Variants in TBC1D4 observed in about 807,000 individuals in gnomAD.
TBC1D4 encodes TBC (Tre-2, BUB2, CDC16) domain-containing protein.
In TBC1D4, 121 loss-of-function variants were observed where a neutral mutation model predicts 142.5. The observed-to-expected ratio is 0.85, with a 90% CI of 0.73 to 0.99. The LOEUF is 0.99. Ranked by LOEUF, TBC1D4 falls within the 50% of genes least tolerant of loss-of-function variation. The pLI, the probability that TBC1D4 is intolerant of heterozygous loss-of-function variation, is 0.00. For missense variants in TBC1D4, 1,475 were observed against 1,606.6 expected, an observed-to-expected ratio of 0.92 and a Z score of 1.40; for synonymous variants, 630 against 628.2, an observed-to-expected ratio of 1.00 and a Z score of -0.04.
chr13:75,416,335 A>G (rs1481365840), intron 1 of TBC1D4, among the ~76,000 whole-genome samples: 1 of 152,236 alleles, frequency 6.6e-6, no homozygotes, highest in Non-Finnish European at 1.5e-5. Context: ...TCCTTAAAAA[A>G]GTAATCTCCG....
At chr13:75,437,632 A>G (rs909794018) in intron 1 of TBC1D4, among the ~76,000 whole-genome samples, 1 of 151,614 alleles carries the variant, frequency 6.6e-6, no homozygotes, top group Admixed American at 6.6e-5. Flanking sequence ...AGCTATTTCC[A>G]GCTCCTCTAC....
At chr13:75,289,665 G>A (rs1875069598) in intron 19 of TBC1D4, among the ~76,000 whole-genome samples, 1 of 152,114 alleles carries the variant, frequency 6.6e-6, no homozygotes, top group Non-Finnish European at 1.5e-5. Context: ...AGCCTCTTAA[G>A]AGTCATTTAC....
chr13:75,470,661 G>C (rs1437655469), intron 1 of TBC1D4, among the ~76,000 whole-genome samples: 1 of 152,132 alleles, frequency 6.6e-6, no homozygotes, highest in East Asian at 1.9e-4. Flanking sequence ...AATTTTGGTA[G>C]ATCAAGCAAA....
At chr13:75,434,951 T>C (rs1333497477) in intron 1 of TBC1D4, among the ~76,000 whole-genome samples, 1 of 149,606 alleles carries the variant, frequency 6.7e-6, no homozygotes, top group African/African-American at 2.5e-5. Context: ...CATTCGAGAT[T>C]GGCCTGGCCA....
intron 1 of TBC1D4, among the ~76,000 whole-genome samples, chr13:75,396,192 CG>C (rs1481509673): frequency 6.6e-6 from 1 of 152,134 alleles, no homozygotes. Flanking sequence ...AAAAATCAGT[CG>C]GCCTCCCAGA....
chr13:75,480,761 G>A (rs1566521942), intron 1 of TBC1D4, among the ~76,000 whole-genome samples: 1 of 152,324 alleles, frequency 6.6e-6, no homozygotes, highest in East Asian at 1.9e-4. Flanking sequence ...AGGTGCTGCT[G>A]CGAAGATGAC....
At position 75,421,720 on chromosome 13, in the gene TBC1D4, A is replaced by AT. The variant is rs1302229804; in HGVS notation, c.499-59114dup. The stretch of plus-strand genomic sequence containing the variant: ...TAAGAAAATAATTTTTGGATTACAA[A>AT]TGTACCTCATTTCCTTTAATATTAA... On this transcript the variant is annotated intron_variant, in intron 1 of 20. Coordinates refer to ENST00000377636, the MANE Select transcript of TBC1D4 (RefSeq NM_014832.5). 2.0e-5 allele frequency among the ~76,000 whole-genome samples: 3 copies of AT among 152,334 alleles called. No individual in the cohort carries two copies. In the East Asian group the frequency reaches 5.8e-4, roughly 29 times the overall value.
At chr13:75,427,014 A>C (rs1055911788) in intron 1 of TBC1D4, among the ~76,000 whole-genome samples, 1 of 152,064 alleles carries the variant, frequency 6.6e-6, no homozygotes, top group African/African-American at 2.4e-5. Context: ...GTGCCATCAT[A>C]CTCCAGCCTG....
At chr13:75,345,735 TACA>T (rs1881099033) in intron 5 of TBC1D4, among the ~76,000 whole-genome samples, 1 of 125,128 alleles carries the variant, frequency 8.0e-6, no homozygotes, top group Non-Finnish European at 1.7e-5. Flanking sequence ...TCTAAGAAAA[TACA>T]AAAAAAAAAA....
In TBC1D4 at chr13:75,286,952, G is replaced by C. The variant is rs1294517733; in HGVS notation, c.3737C>G (p.Ser1246Cys). 1 of 1,613,932 alleles carries C rather than the reference G, an allele frequency of 6.2e-7. No homozygotes were observed. ...TTCTTGTTCCAGGGTCCGGATTAAA[G>C]ACTTCATTTTGGTCTCTCTCGTCAA... ...NLLTRETKMK[S>C]LIRTLEQEKM... Residue 1246 changes from serine to cysteine, a missense_variant, in exon 21 of 21, where the codon TCT becomes TGT. By Grantham distance (112) the Ser-to-Cys change is moderately radical (BLOSUM62 -1). Transcript: ENST00000377636.
intron 9 of TBC1D4, among the ~76,000 whole-genome samples, chr13:75,327,222 C>T (rs191254856): frequency 6.6e-6 from 1 of 152,164 alleles, no homozygotes; most frequent in East Asian, 1.9e-4. Flanking sequence ...GTCCCCACTT[C>T]CATCAACAGA....
At chr13:75,412,155 AT>A (rs1266508949) in intron 1 of TBC1D4, among the ~76,000 whole-genome samples, 2 of 152,196 alleles carry the variant, frequency 1.3e-5, no homozygotes, top group Non-Finnish European at 2.9e-5. Flanking sequence ...TACCCTCCCA[AT>A]TCACCCTAAT....
chr13:75,464,714 T>C (rs1229463619), intron 1 of TBC1D4, among the ~76,000 whole-genome samples: 2 of 152,194 alleles, frequency 1.3e-5, no homozygotes, highest in Non-Finnish European at 2.9e-5. Flanking sequence ...TGGCACAAAC[T>C]GAGACACATT....
At chr13:75,318,580 G>A (rs1299989794) in intron 12 of TBC1D4, among the ~76,000 whole-genome samples, 5 of 152,184 alleles carry the variant, frequency 3.3e-5, no homozygotes, top group Non-Finnish European at 5.9e-5. Context: ...AGGATCCACA[G>A]TATAATTTAA....
intron 1 of TBC1D4, among the ~76,000 whole-genome samples, chr13:75,370,989 A>T (rs909975272): frequency 6.6e-5 from 10 of 152,164 alleles, no homozygotes; most frequent in Admixed American, 1.3e-4. Context: ...AAGAGGGAGA[A>T]ATATGAATGA....
intron 1 of TBC1D4, among the ~76,000 whole-genome samples, chr13:75,437,429 G>A (rs997179098): frequency 3.9e-5 from 6 of 151,948 alleles, no homozygotes; most frequent in African/African-American, 1.2e-4. Context: ...AATGTAACAT[G>A]TGAGTCAAGG....
intron 1 of TBC1D4, among the ~76,000 whole-genome samples, chr13:75,458,553 G>A (rs1887834451): frequency 6.6e-6 from 1 of 152,128 alleles, no homozygotes; most frequent in South Asian, 2.1e-4. Flanking sequence ...CTTTGATGGG[G>A]AACCGCCCTC....
chr13:75,374,575 T>A (rs1028160737), intron 1 of TBC1D4, among the ~76,000 whole-genome samples: 1 of 152,166 alleles, frequency 6.6e-6, no homozygotes, highest in African/African-American at 2.4e-5. Context: ...TTATAATCAA[T>A]GAGACTGAAG....
chr13:75,434,553 T>C (rs1284863652), intron 1 of TBC1D4, among the ~76,000 whole-genome samples: 2 of 152,066 alleles, frequency 1.3e-5, no homozygotes, highest in Non-Finnish European at 2.9e-5. Flanking sequence ...CTGGGCCTAA[T>C]ACCTGGGTGA....
Sources: allele counts gnomAD v4.1 joint callset (sites outside exome capture counted in the v4.1 genomes callset), GRCh38; gene constraint gnomAD v4.1.1; transcripts MANE v1.5; gene names NCBI Gene and HGNC (gene_info 2026-07-23, HGNC 2026-07-21).